Variants in GRIA1 observed in about 807,000 individuals in gnomAD.
The protein encoded by GRIA1 is glutamate receptor 1.
A neutral mutation model predicts 99.2 loss-of-function variants in GRIA1; 31 were observed. The ratio of observed to expected loss-of-function variants is 0.31; its 90% CI spans 0.23 to 0.42. The LOEUF (loss-of-function observed/expected upper bound fraction) is 0.42. Ranked by LOEUF, GRIA1 falls within the 10% of genes least tolerant of loss-of-function variation. The pLI, the probability that GRIA1 is intolerant of heterozygous loss-of-function variation, is 1.00. For synonymous variants in GRIA1, 438 were observed against 432.4 expected (o/e 1.01, Z -0.16); for missense variants, 782 against 1,157.5 (o/e 0.68, Z 4.71).
chr5:153,744,255 G>T (rs1033606485), intron 11 of GRIA1, among the ~76,000 whole-genome samples: 1 of 152,142 alleles, frequency 6.6e-6, no homozygotes, highest in Non-Finnish European at 1.5e-5. Flanking sequence ...GTGGAAACCT[G>T]TCTAGATCTG....
At chr5:153,552,843 T>C (rs909970075) in intron 2 of GRIA1, among the ~76,000 whole-genome samples, 4 of 152,198 alleles carry the variant, frequency 2.6e-5, no homozygotes, top group Non-Finnish European at 5.9e-5. Context: ...TTTTCATAAG[T>C]TCAAAGAGAT....
At chr5:153,519,668 A>G (rs979179546) in intron 2 of GRIA1, among the ~76,000 whole-genome samples, 20 of 152,080 alleles carry the variant, frequency 1.3e-4, no homozygotes, top group African/African-American at 4.8e-4. Flanking sequence ...CTGTGACCCC[A>G]TCCACCTTGA....
intron 2 of GRIA1, among the ~76,000 whole-genome samples, chr5:153,520,601 A>G (rs1018602867): frequency 6.6e-6 from 1 of 152,118 alleles, no homozygotes; most frequent in Non-Finnish European, 1.5e-5. Context: ...TATACAAGCA[A>G]TGGAAGGAAT....
chr5:153,583,836 G>C (rs1464663608), intron 2 of GRIA1, among the ~76,000 whole-genome samples: 1 of 152,178 alleles, frequency 6.6e-6, no homozygotes, highest in Non-Finnish European at 1.5e-5. Context: ...CTGGGAAAGG[G>C]ACAAGCTCAG....
At chr5:153,752,245 T>C (rs1762553420) in intron 11 of GRIA1, among the ~76,000 whole-genome samples, 1 of 152,136 alleles carries the variant, frequency 6.6e-6, no homozygotes, top group South Asian at 2.1e-4. Context: ...TTCTATTTTA[T>C]ATCTATCTCC....
chr5:153,707,652 C>A (rs1314389297), intron 11 of GRIA1, among the ~76,000 whole-genome samples: 1 of 152,152 alleles, frequency 6.6e-6, no homozygotes, highest in Non-Finnish European at 1.5e-5. Context: ...ATCTTTACCA[C>A]CTATCTACGT....
chr5:153,491,839 G>C (rs997295876), intron 1 of GRIA1, among the ~76,000 whole-genome samples: 5 of 152,052 alleles, frequency 3.3e-5, no homozygotes, highest in African/African-American at 1.2e-4. Context: ...CCCCTTCTTA[G>C]TTGTTACACT....
chr5:153,768,178 G>A (rs1763643044), intron 12 of GRIA1, among the ~76,000 whole-genome samples: 1 of 152,114 alleles, frequency 6.6e-6, no homozygotes, highest in Non-Finnish European at 1.5e-5. Flanking sequence ...AAATACATTG[G>A]CAGACCTTAT....
At chr5:153,731,954 T>C (rs945161760) in intron 11 of GRIA1, among the ~76,000 whole-genome samples, 12 of 152,270 alleles carry the variant, frequency 7.9e-5, no homozygotes, top group African/African-American at 2.2e-4. Flanking sequence ...TCCTGTAAGT[T>C]TGACTTTTTG....
At chr5:153,702,148 C>A (rs1412556234) in intron 10 of GRIA1, among the ~76,000 whole-genome samples, 2 of 152,218 alleles carry the variant, frequency 1.3e-5, no homozygotes, top group Admixed American at 1.3e-4. Context: ...CTGTAGAAAT[C>A]CCACCATCCA....
At chr5:153,774,572 T>C (rs989204187) in intron 13 of GRIA1, among the ~76,000 whole-genome samples, 1 of 152,182 alleles carries the variant, frequency 6.6e-6, no homozygotes, top group Admixed American at 6.6e-5. Context: ...CCAGGCTTAC[T>C]GCCTGTAGTT....
chr5:153,628,665 T>A (rs960495247), intron 2 of GRIA1, among the ~76,000 whole-genome samples: 3 of 152,244 alleles, frequency 2.0e-5, no homozygotes, highest in African/African-American at 7.2e-5. Context: ...TGTCCTCTCT[T>A]CAGATCCTTG....
At chr5:153,780,443 G>A (rs1244204391) in intron 13 of GRIA1, among the ~76,000 whole-genome samples, 2 of 152,148 alleles carry the variant, frequency 1.3e-5, no homozygotes, top group Non-Finnish European at 2.9e-5. Context: ...ACTGTTTCTT[G>A]GACAAGTGAC....
At chr5:153,784,917 G>A (rs946210676) in intron 13 of GRIA1, among the ~76,000 whole-genome samples, 11 of 152,192 alleles carry the variant, frequency 7.2e-5, no homozygotes, top group East Asian at 1.9e-4. Flanking sequence ...GCTTTTCCTC[G>A]GCAGTGGCAG....
chr5:153,740,097 G>A (rs1386876383), intron 11 of GRIA1, among the ~76,000 whole-genome samples: 1 of 152,200 alleles, frequency 6.6e-6, no homozygotes, highest in Non-Finnish European at 1.5e-5. Flanking sequence ...GTGGATATAA[G>A]CAAAGAACAA....
At chr5:153,572,354 G>A (rs996180695) in intron 2 of GRIA1, among the ~76,000 whole-genome samples, 1 of 152,170 alleles carries the variant, frequency 6.6e-6, no homozygotes, top group African/African-American at 2.4e-5. Context: ...CATCAAGAAA[G>A]GTGTTGTGGC....
chr5:153,492,214 C>G, intron 1 of GRIA1: 1 of 1,532,226 alleles, frequency 6.5e-7, no homozygotes, highest in Non-Finnish European at 8.7e-7. Context: ...CTGCAGTACC[C>G]ATCTCTTTCA....
chr5:153,630,212 G>C (rs550055547), intron 2 of GRIA1, among the ~76,000 whole-genome samples: 18 of 152,224 alleles, frequency 1.2e-4, no homozygotes, highest in African/African-American at 4.3e-4. Flanking sequence ...CTCAGTATAT[G>C]CAAGCACCTA....
At chr5:153,513,412 C>G (rs1483342401) in intron 2 of GRIA1, among the ~76,000 whole-genome samples, 2 of 152,070 alleles carry the variant, frequency 1.3e-5, no homozygotes, top group Admixed American at 6.5e-5. Flanking sequence ...ACGCAGATCC[C>G]CGGGAAAACC....
Sources: gnomAD v4.1 joint callset for allele counts (sites outside exome capture counted in the v4.1 genomes callset) on GRCh38, gnomAD v4.1.1 for gene constraint, MANE v1.5 for transcripts, NCBI Gene and HGNC (gene_info 2026-07-23, HGNC 2026-07-21) for gene names.